Variants in MAGI1 observed in about 807,000 individuals in gnomAD.
MAGI1 encodes the protein membrane associated guanylate kinase, WW and PDZ domain containing 1.
MAGI1 carries 58 observed loss-of-function variants against 139.9 expected under a neutral mutation model. The observed-to-expected ratio is 0.41, with a 90% CI of 0.34 to 0.52. The LOEUF (loss-of-function observed/expected upper bound fraction) is 0.52, where lower values mean the gene tolerates loss of function less well. Ranked by LOEUF, MAGI1 falls within the 20% of genes least tolerant of loss-of-function variation. The probability of loss-of-function intolerance (pLI) is 0.12; values close to 1 mark genes in which losing one functional copy is unlikely to be tolerated. For missense variants in MAGI1, 1,874 were observed against 1,901.6 expected (o/e 0.99, Z 0.27); for synonymous variants, 812 against 737.9 (o/e 1.10, Z -1.63).
In MAGI1 at chr3:65,664,358, C is replaced by T. The variant is rs112671137; in HGVS notation, c.314-42270G>A. The stretch of plus-strand genomic sequence containing the variant: ...CACCAATAACAATAAAGGCTAATAG[C>T]GCTTATTCAGAGAATATGTATATGT... On this transcript the variant is annotated intron_variant, in intron 1 of 22. Transcript: ENST00000402939. Among the ~76,000 whole-genome samples the T allele has an allele frequency of 9.2e-5, 14 of 152,088 alleles. No individual in the cohort carries two copies. The South Asian group carries it at 2.9e-3, about 32-fold the overall frequency.
At chr3:66,025,566 CAAAA>C (rs1030919847) in intron 1 of MAGI1, among the ~76,000 whole-genome samples, 1 of 151,942 alleles carries the variant, frequency 6.6e-6, no homozygotes, top group African/African-American at 2.4e-5. Context: ...AACAAACAAA[CAAAA>C]AAAGTCCATG....
intron 5 of MAGI1, among the ~76,000 whole-genome samples, chr3:65,468,256 AC>A (rs1950297039): frequency 6.6e-6 from 1 of 152,134 alleles, no homozygotes; most frequent in African/African-American, 2.4e-5. Context: ...TTTGTCATTA[AC>A]ATGAAGACAG....
In MAGI1 at chr3:65,366,290, G is replaced by A. The variant is rs187869713; in HGVS notation, c.3197-1344C>T. Among the ~76,000 whole-genome samples, 125 of 152,226 alleles carry A rather than the reference G, an allele frequency of 8.2e-4. 1 individual carries two copies. Among genetic ancestry groups the A allele is most frequent in the Middle Eastern group, 3.4e-3 (1 of 294 alleles). ...AAGCTCTCTGCAAAATGAGAAAGTCGAAATATGATTTCAACAGTTAATTTA... is the reference window on the plus strand; with the variant it reads ...AAGCTCTCTGCAAAATGAGAAAGTCAAAATATGATTTCAACAGTTAATTTA... On this transcript the variant is annotated intron_variant, in intron 18 of 22. Transcript: ENST00000402939.
intron 4 of MAGI1, 54 bp downstream of exon 4, chr3:65,478,538 C>T: frequency 1.3e-6 from 2 of 1,539,834 alleles, no homozygotes; most frequent in Non-Finnish European, 1.8e-6. Context: ...ATGCAAAAGC[C>T]TCCTCGTCAT....
intron 2 of MAGI1, among the ~76,000 whole-genome samples, chr3:65,616,118 C>T (rs1013625720): frequency 6.6e-6 from 1 of 152,162 alleles, no homozygotes; most frequent in African/African-American, 2.4e-5. Flanking sequence ...GAACCTCATA[C>T]CACAATAAGA....
intron 1 of MAGI1, among the ~76,000 whole-genome samples, chr3:65,963,313 T>TAA (rs760893715): frequency 7.7e-5 from 8 of 104,196 alleles, no homozygotes; most frequent in South Asian, 4.2e-4. Context: ...CTCTGTCTCT[T>TAA]AAAAAAAAAA....
intron 1 of MAGI1, among the ~76,000 whole-genome samples, chr3:65,681,628 C>T (rs954393604): frequency 1.4e-4 from 22 of 152,204 alleles, no homozygotes; most frequent in Non-Finnish European, 2.8e-4. Context: ...ACCCTCTGCA[C>T]TTCTATTTAT....
rs113955502 is a variant in MAGI1 at position 65,808,970 on chromosome 3, C to A, written c.314-186882G>T. Among the ~76,000 whole-genome samples, 4 of 152,198 alleles carry A rather than the reference C, an allele frequency of 2.6e-5. 1 individual carries two copies. The highest frequency in any genetic ancestry group is 9.6e-5 in the African/African-American group (4 of 41,530). Reference sequence around the variant, plus strand: ...GGGAAAGGAAATAAGGGGAGATTTACGCTGGGAAAATGAGAGTAATACTCA... The same window carrying A: ...GGGAAAGGAAATAAGGGGAGATTTAAGCTGGGAAAATGAGAGTAATACTCA... On this transcript the variant is annotated intron_variant, in intron 1 of 22. Transcript: ENST00000402939.
chr3:65,379,580 A>T, intron 16 of MAGI1, 26 bp from the exon 17 acceptor site: 1 of 1,586,490 alleles, frequency 6.3e-7, no homozygotes, highest in Non-Finnish European at 8.6e-7. Flanking sequence ...GCACGCGTAC[A>T]TCACCGTGTC....
At position 65,793,011 on chromosome 3, in the gene MAGI1, T is replaced by TCATAA. The variant is rs1180635476; in HGVS notation, c.314-170924_314-170923insTTATG. Among the ~76,000 whole-genome samples, 286 of 152,306 alleles carry TCATAA rather than the reference T, an allele frequency of 1.9e-3. 1 individual carries two copies. Among genetic ancestry groups the TCATAA allele is most frequent in the Admixed American group, 4.9e-3 (75 of 15,296 alleles). On this transcript the variant is annotated intron_variant, in intron 1 of 22. Coordinates refer to ENST00000402939, the MANE Select transcript of MAGI1 (RefSeq NM_001033057.2). ...AATAGGGCATTTGAGTTTGGAAAAC[T>TCATAA]GGTTACTCATAAGGCTGAATTCTGA...
chr3:66,035,796 TAC>T (rs1047894677), intron 1 of MAGI1, among the ~76,000 whole-genome samples: 4 of 152,248 alleles, frequency 2.6e-5, no homozygotes, highest in African/African-American at 9.6e-5. Flanking sequence ...CTGGAGACAC[TAC>T]AGTTTCCTTT....
At chr3:65,719,395 T>C (rs2032722985) in intron 1 of MAGI1, among the ~76,000 whole-genome samples, 1 of 151,840 alleles carries the variant, frequency 6.6e-6, no homozygotes, top group African/African-American at 2.4e-5. Flanking sequence ...TATTTTAAAT[T>C]AAAAATATTA....
intron 1 of MAGI1, among the ~76,000 whole-genome samples, chr3:65,953,626 C>CCACCACACCTGGATATGTACA (rs1255893438): frequency 1.3e-5 from 2 of 152,148 alleles, no homozygotes; most frequent in African/African-American, 4.8e-5. Flanking sequence ...TCCAGGGAGG[C>CCACCACACCTGGATATGTACA]AGGTGTACAA....
intron 1 of MAGI1, among the ~76,000 whole-genome samples, chr3:65,878,447 C>T (rs2060200737): frequency 6.9e-6 from 1 of 145,526 alleles, no homozygotes; most frequent in Non-Finnish European, 1.5e-5. Context: ...ACCTGGGAAG[C>T]AGAGGTTGCA....
At chr3:65,578,685 C>T (rs954278320) in intron 2 of MAGI1, among the ~76,000 whole-genome samples, 2 of 152,108 alleles carry the variant, frequency 1.3e-5, no homozygotes, top group African/African-American at 4.8e-5. Flanking sequence ...TTTGGGACGC[C>T]GAGGTGGGTG....
intron 1 of MAGI1, among the ~76,000 whole-genome samples, chr3:65,793,363 ACT>A (rs2039914701): frequency 6.6e-6 from 1 of 152,156 alleles, no homozygotes; most frequent in Non-Finnish European, 1.5e-5. Context: ...AGTGAGATGA[ACT>A]CTCATTCACA....
chr3:65,742,042 C>T (rs796595462), intron 1 of MAGI1, among the ~76,000 whole-genome samples: 1 of 152,156 alleles, frequency 6.6e-6, no homozygotes, highest in Admixed American at 6.5e-5. Flanking sequence ...TACTACGTGG[C>T]TTTCATTGCC....
chr3:65,760,022 T>C (rs560886060), intron 1 of MAGI1, among the ~76,000 whole-genome samples: 1 of 152,266 alleles, frequency 6.6e-6, no homozygotes, highest in East Asian at 1.9e-4. Flanking sequence ...CTTCATGTAA[T>C]AGAATTGTGT....
At chr3:65,503,026 C>A (rs577211952) in intron 2 of MAGI1, among the ~76,000 whole-genome samples, 1 of 152,228 alleles carries the variant, frequency 6.6e-6, no homozygotes, top group Admixed American at 6.5e-5. Flanking sequence ...AAATGTGACT[C>A]AAATTGTTAG....
Sources: gnomAD v4.1 joint callset for allele counts (sites outside exome capture counted in the v4.1 genomes callset) on GRCh38, gnomAD v4.1.1 for gene constraint, MANE v1.5 for transcripts, NCBI Gene and HGNC (gene_info 2026-07-23, HGNC 2026-07-21) for gene names.